IL1RAPL1: variants seen among roughly 807,000 people sequenced by gnomAD.
IL1RAPL1 encodes the protein interleukin-1 receptor accessory protein-like 1.
In IL1RAPL1, 3 loss-of-function variants were observed where a neutral mutation model predicts 48.4. The observed-to-expected ratio is 0.06, with a 90% CI of 0.03 to 0.16. The LOEUF (loss-of-function observed/expected upper bound fraction) is 0.16. IL1RAPL1 is among the 10% of genes least tolerant of loss of function. The pLI is 1.00. For missense variants in IL1RAPL1, 349 were observed against 530.6 expected (o/e 0.66, Z 3.36); for synonymous variants, 185 against 187.7 (o/e 0.99, Z 0.12).
chrX:29,543,628 TTC>T (rs941987878), intron 5 of IL1RAPL1, among the ~76,000 whole-genome samples: 4 of 110,822 alleles, frequency 3.6e-5, no homozygotes, highest in Non-Finnish European at 5.7e-5. Flanking sequence ...TCATTTAACT[TTC>T]TCTGTTTCTC....
intron 2 of IL1RAPL1, among the ~76,000 whole-genome samples, chrX:29,030,304 G>T (rs753169460): frequency 2.2e-4 from 25 of 111,316 alleles, no homozygotes; most frequent in African/African-American, 8.1e-4. Flanking sequence ...GATTTTGATT[G>T]GAATTTCATT....
chrX:29,549,812 A>C (rs1329164533), intron 5 of IL1RAPL1, among the ~76,000 whole-genome samples: 2 of 111,955 alleles, frequency 1.8e-5, no homozygotes, highest in Non-Finnish European at 3.8e-5. Flanking sequence ...GATGCTTTGA[A>C]GTTTTAGTTT....
At chrX:28,750,934 C>T (rs1327403673) in intron 1 of IL1RAPL1, among the ~76,000 whole-genome samples, 1 of 111,834 alleles carries the variant, frequency 8.9e-6, no homozygotes, top group Non-Finnish European at 1.9e-5. Flanking sequence ...AGTGTGAGCA[C>T]AATGTCTTAG....
chrX:29,630,716 T>C (rs1210581821), intron 5 of IL1RAPL1, among the ~76,000 whole-genome samples: 2 of 110,791 alleles, frequency 1.8e-5, no homozygotes, highest in Non-Finnish European at 3.8e-5. Context: ...TTTTTTGTAT[T>C]TTTAGTAGAG....
intron 2 of IL1RAPL1, among the ~76,000 whole-genome samples, chrX:29,232,479 T>C (rs1311236684): frequency 8.9e-6 from 1 of 112,340 alleles, no homozygotes; most frequent in Non-Finnish European, 1.9e-5. Context: ...ATTACTATTT[T>C]TTATATACTC....
At chrX:29,786,633 G>A (rs1201621077) in intron 6 of IL1RAPL1, among the ~76,000 whole-genome samples, 2 of 109,236 alleles carry the variant, frequency 1.8e-5, no homozygotes, top group Non-Finnish European at 3.8e-5. Context: ...GAGGGAGAGA[G>A]GAAGAAGAAG....
chrX:29,251,825 A>G (rs1290469904), intron 2 of IL1RAPL1, among the ~76,000 whole-genome samples: 1 of 111,327 alleles, frequency 9.0e-6, no homozygotes, highest in Non-Finnish European at 1.9e-5. Flanking sequence ...ATATTTAGGA[A>G]TGGATTTTGT....
chrX:29,240,148 G>A (rs1339532276), intron 2 of IL1RAPL1, among the ~76,000 whole-genome samples: 1 of 94,621 alleles, frequency 1.1e-5, no homozygotes. Context: ...TGTTGGGGGA[G>A]GCATTCTTCT....
At chrX:29,803,374 T>TGTGTATAC in intron 6 of IL1RAPL1, among the ~76,000 whole-genome samples, 1 of 88,939 alleles carries the variant, frequency 1.1e-5, no homozygotes, top group African/African-American at 4.2e-5. Context: ...CATATGTATA[T>TGTGTATAC]ATGTATACAT....
chrX:29,639,809 T>C (rs947974525), intron 5 of IL1RAPL1, among the ~76,000 whole-genome samples: 1 of 111,705 alleles, frequency 9.0e-6, no homozygotes, highest in Non-Finnish European at 1.9e-5. Flanking sequence ...TGGCTAAAAA[T>C]CAAATACCTT....
intron 2 of IL1RAPL1, among the ~76,000 whole-genome samples, chrX:29,198,937 A>G (rs1262874418): frequency 8.9e-6 from 1 of 111,924 alleles, no homozygotes; most frequent in Non-Finnish European, 1.9e-5. Context: ...TCACTGCAGG[A>G]TAGTTGCGTT....
intron 2 of IL1RAPL1, among the ~76,000 whole-genome samples, chrX:29,040,140 C>G (rs151262081): frequency 1.8e-5 from 2 of 112,339 alleles, no homozygotes; most frequent in Non-Finnish European, 3.8e-5. Flanking sequence ...TATATTTGTA[C>G]TGTTGGAAAA....
At chrX:29,556,693 T>C (rs754218538) in intron 5 of IL1RAPL1, among the ~76,000 whole-genome samples, 4 of 110,223 alleles carry the variant, frequency 3.6e-5, no homozygotes, top group African/African-American at 1.3e-4. Context: ...CAAAGTTGAA[T>C]GTATATTGTG....
chrX:29,665,856 G>T (rs1180991295), intron 5 of IL1RAPL1, among the ~76,000 whole-genome samples: 1 of 112,102 alleles, frequency 8.9e-6, no homozygotes, highest in African/African-American at 3.2e-5. Flanking sequence ...TGATTATTTA[G>T]TTGCATGTTT....
intron 6 of IL1RAPL1, among the ~76,000 whole-genome samples, chrX:29,809,693 A>G (rs988636294): frequency 1.8e-5 from 2 of 111,002 alleles, no homozygotes; most frequent in Admixed American, 9.6e-5. Context: ...GTTATACTCC[A>G]AACACATAAA....
intron 2 of IL1RAPL1, among the ~76,000 whole-genome samples, chrX:29,200,625 G>C (rs1930536867): frequency 9.0e-6 from 1 of 111,311 alleles, no homozygotes; most frequent in Non-Finnish European, 1.9e-5. Context: ...TTCAGCATGT[G>C]TTAAGATTGA....
At chrX:29,018,692 T>C (rs1158406959) in intron 2 of IL1RAPL1, among the ~76,000 whole-genome samples, 3 of 111,947 alleles carry the variant, frequency 2.7e-5, no homozygotes, top group African/African-American at 9.7e-5. Context: ...TTGCCTTATG[T>C]CACAGCATAT....
At chrX:28,896,306 G>A (rs1217999031) in intron 2 of IL1RAPL1, among the ~76,000 whole-genome samples, 6 of 111,760 alleles carry the variant, frequency 5.4e-5, no homozygotes, top group East Asian at 2.8e-4. Context: ...TGTCAGGAGC[G>A]GATTGGGTAA....
chrX:29,370,827 G>A (rs1933533664), intron 3 of IL1RAPL1, among the ~76,000 whole-genome samples: 1 of 109,791 alleles, frequency 9.1e-6, no homozygotes, highest in Non-Finnish European at 1.9e-5. Flanking sequence ...TAAAATAAAA[G>A]GCTATATTTT....
Sources: allele counts gnomAD v4.1 joint callset (sites outside exome capture counted in the v4.1 genomes callset), GRCh38; gene constraint gnomAD v4.1.1; transcripts MANE v1.5; gene names NCBI Gene and HGNC (gene_info 2026-07-23, HGNC 2026-07-21).